Variants in IHO1 observed in about 807,000 individuals in gnomAD.
IHO1 encodes interactor of HORMAD1 protein 1.
A neutral mutation model predicts 31.0 loss-of-function variants in IHO1; 13 were observed. The ratio of observed to expected loss-of-function variants is 0.42; its 90% CI spans 0.27 to 0.67. The LOEUF (loss-of-function observed/expected upper bound fraction) is 0.67. Among genes scored for constraint, IHO1 ranks in the 30% least tolerant of loss-of-function variants. The pLI, the probability that IHO1 is intolerant of heterozygous loss-of-function variation, is 0.24. For missense variants in IHO1, 599 were observed against 687.5 expected (o/e 0.87, Z 1.44); for synonymous variants, 221 against 248.4 (o/e 0.89, Z 1.04).
chr3:49,211,260 G>A (rs1372387486), intron 1 of IHO1, among the ~76,000 whole-genome samples: 3 of 150,698 alleles, frequency 2.0e-5, no homozygotes, highest in African/African-American at 7.3e-5. Flanking sequence ...CGCCCTCCTC[G>A]GCCTCCCAAA....
chr3:49,235,944 A>AG (rs1371561931), intron 2 of IHO1, among the ~76,000 whole-genome samples: 2 of 151,260 alleles, frequency 1.3e-5, no homozygotes, highest in Non-Finnish European at 2.9e-5. Flanking sequence ...AAAAAAAAAA[A>AG]AAGATAACAT....
intron 6 of IHO1, among the ~76,000 whole-genome samples, chr3:49,250,797 C>T (rs535613571): frequency 8.6e-5 from 13 of 151,996 alleles, no homozygotes; most frequent in Non-Finnish European, 1.3e-4. Context: ...TTTGGGAGGC[C>T]GAGGCGGGCA....
intron 2 of IHO1, among the ~76,000 whole-genome samples, chr3:49,221,224 T>C (rs940146259): frequency 1.3e-5 from 2 of 152,198 alleles, no homozygotes; most frequent in African/African-American, 2.4e-5. Context: ...CACAGAGCGC[T>C]GATTGGTGTA....
intron 2 of IHO1, among the ~76,000 whole-genome samples, chr3:49,227,776 G>C (rs1011786153): frequency 6.6e-6 from 1 of 152,164 alleles, no homozygotes; most frequent in African/African-American, 2.4e-5. Context: ...GGATCTCCAG[G>C]GTTGGTAGAG....
intron 6 of IHO1, among the ~76,000 whole-genome samples, chr3:49,253,679 T>C (rs544692238): frequency 6.6e-6 from 1 of 152,298 alleles, no homozygotes; most frequent in South Asian, 2.1e-4. Flanking sequence ...ATCTTACCCC[T>C]GAGAGTGACT....
chr3:49,234,186 G>GT (rs1175387489), intron 2 of IHO1, among the ~76,000 whole-genome samples: 4 of 70,028 alleles, frequency 5.7e-5, no homozygotes, highest in Admixed American at 5.3e-4. Flanking sequence ...TTTTTTTTTG[G>GT]TTTTTTTGAC....
At chr3:49,251,609 CT>C (rs1001882450) in intron 6 of IHO1, among the ~76,000 whole-genome samples, 2 of 148,282 alleles carry the variant, frequency 1.3e-5, no homozygotes, top group East Asian at 4.0e-4. Flanking sequence ...GTTTTTTTGT[CT>C]TTTTTTTTGA....
At chr3:49,193,996 G>A (rs2045981477), upstream of IHO1, among the ~76,000 whole-genome samples, 3 of 150,346 alleles carry the variant, frequency 2.0e-5, no homozygotes, top group African/African-American at 7.3e-5. Flanking sequence ...CAGACTGGGT[G>A]CCGTGGCTCA....
intron 6 of IHO1, among the ~76,000 whole-genome samples, chr3:49,252,763 G>T (rs952479735): frequency 6.6e-6 from 1 of 152,030 alleles, no homozygotes; most frequent in Non-Finnish European, 1.5e-5. Flanking sequence ...TGTAGAATTC[G>T]GCCGGGCATG....
intron 6 of IHO1, among the ~76,000 whole-genome samples, chr3:49,255,023 A>C (rs1006075594): frequency 6.6e-6 from 1 of 151,878 alleles, no homozygotes; most frequent in African/African-American, 2.4e-5. Flanking sequence ...AGATCGCATC[A>C]CTGCACTCCA....
intron 6 of IHO1, 124 bp downstream of exon 6, chr3:49,244,857 A>T: frequency 1.2e-6 from 1 of 828,934 alleles, no homozygotes; most frequent in Non-Finnish European, 2.1e-6. Context: ...GAGGATGGGT[A>T]TATAGGGTTA....
chr3:49,211,342 G>A (rs538679426), intron 1 of IHO1, among the ~76,000 whole-genome samples: 1 of 152,258 alleles, frequency 6.6e-6, no homozygotes, highest in African/African-American at 2.4e-5. Context: ...TGTCATCAGA[G>A]TTTTGTAGTT....
intron 6 of IHO1, 67 bp downstream of exon 6, chr3:49,244,800 C>A: frequency 7.1e-7 from 1 of 1,400,068 alleles, no homozygotes; most frequent in Non-Finnish European, 1.0e-6. Context: ...ACTTTCTGAC[C>A]CCAGCCTGGT....
intron 1 of IHO1, among the ~76,000 whole-genome samples, chr3:49,210,209 A>T (rs1022520553): frequency 2.0e-5 from 3 of 151,188 alleles, no homozygotes; most frequent in Non-Finnish European, 2.9e-5. Flanking sequence ...ATTTATTTAA[A>T]TTTTTTATTT....
upstream of IHO1, among the ~76,000 whole-genome samples, chr3:49,194,789 G>A (rs1163766287): frequency 6.6e-6 from 1 of 151,640 alleles, no homozygotes; most frequent in East Asian, 2.0e-4. Flanking sequence ...TCAACTATTC[G>A]AGAGGCTGAG....
At chr3:49,251,189 C>T (rs1180544663) in intron 6 of IHO1, among the ~76,000 whole-genome samples, 1 of 151,590 alleles carries the variant, frequency 6.6e-6, no homozygotes. Context: ...GGTGCGATCT[C>T]AGCTCACTGC....
intron 6 of IHO1, among the ~76,000 whole-genome samples, chr3:49,255,125 C>T (rs1050204998): frequency 6.6e-6 from 1 of 151,886 alleles, no homozygotes; most frequent in Admixed American, 6.6e-5. Flanking sequence ...ACTAAGATCA[C>T]TCTGATGAGA....
At chr3:49,254,702 GTGAGCCCAGATC>G (rs1329111755) in intron 6 of IHO1, among the ~76,000 whole-genome samples, 3 of 152,138 alleles carry the variant, frequency 2.0e-5, no homozygotes, top group African/African-American at 7.2e-5. Flanking sequence ...GTAAAGGGAA[GTGAGCCCAGATC>G]TTGTTAGCCA....
At chr3:49,236,062 G>A (rs1044955875) in intron 2 of IHO1, among the ~76,000 whole-genome samples, 2 of 152,048 alleles carry the variant, frequency 1.3e-5, no homozygotes, top group African/African-American at 4.8e-5. Context: ...TCAACATGGT[G>A]AAACCCCATC....
Sources: gnomAD v4.1 joint callset for allele counts (sites outside exome capture counted in the v4.1 genomes callset) on GRCh38, gnomAD v4.1.1 for gene constraint, MANE v1.5 for transcripts, NCBI Gene and HGNC (gene_info 2026-07-23, HGNC 2026-07-21) for gene names.